Variants in MRTFB observed in about 807,000 individuals in gnomAD.
The protein encoded by MRTFB is myocardin related transcription factor B.
In MRTFB, 29 loss-of-function variants were observed where a neutral mutation model predicts 104.2. The ratio of observed to expected loss-of-function variants is 0.28; its 90% CI spans 0.21 to 0.38. The LOEUF (loss-of-function observed/expected upper bound fraction) is 0.38. Among genes scored for constraint, MRTFB ranks in the 10% least tolerant of loss-of-function variants. MRTFB has a pLI of 1.00. For missense variants in MRTFB, 1,270 were observed against 1,341.6 expected (o/e 0.95, Z 0.83); for synonymous variants, 535 against 519.5 (o/e 1.03, Z -0.41).
chr16:14,036,840 G>A, the MRTFB span, among the ~76,000 whole-genome samples: 2 of 152,020 alleles, frequency 1.3e-5, no homozygotes, highest in African/African-American at 4.8e-5. Flanking sequence ...TGGCCCCCAG[G>A]GCCAGCCCCC....
chr16:14,230,099 A>T (rs892434242), intron 8 of MRTFB, among the ~76,000 whole-genome samples: 2 of 152,152 alleles, frequency 1.3e-5, no homozygotes, highest in Admixed American at 6.5e-5. Context: ...CTGAAACTGG[A>T]TCCCTTCCTT....
Position 14,246,857 on chromosome 16 carries a change from A to G in MRTFB, c.1597A>G (p.Met533Val), listed in dbSNP as rs775876883. The change falls in exon 12 of 17, where the codon ATG becomes GTG. Residue 533 changes from methionine to valine, a missense_variant. Coordinates refer to ENST00000571589, the MANE Select transcript of MRTFB (RefSeq NM_001308142.2). The part of the protein sequence containing the change: ...ADTFTEIMTM[M>V]SPSQFLSSSP... ...CACTTTCACCGAGATTATGACCATGATGTCGCCTTCACAGTTCTTGAGTTC... is the reference window on the plus strand; with the variant it reads ...CACTTTCACCGAGATTATGACCATGGTGTCGCCTTCACAGTTCTTGAGTTC... 92 of 1,613,008 alleles carry G rather than the reference A, an allele frequency of 5.7e-5. No homozygotes were observed. The highest frequency in any genetic ancestry group is 2.9e-4 in the East Asian group (13 of 44,888).
chr16:14,003,469 C>A, the MRTFB span, among the ~76,000 whole-genome samples: 2 of 152,194 alleles, frequency 1.3e-5, no homozygotes, highest in Admixed American at 6.5e-5. Context: ...GAACAGCCCC[C>A]AGGCAGTTTG....
At chr16:14,223,110 C>G (rs2041814090) in intron 8 of MRTFB, among the ~76,000 whole-genome samples, 1 of 152,046 alleles carries the variant, frequency 6.6e-6, no homozygotes, top group Non-Finnish European at 1.5e-5. Context: ...AGTTCAAGAC[C>G]AGCCTGGGCA....
rs555789679 is a variant in MRTFB, at chr16:14,246,402, A to C, written c.1213-71A>C. The C allele has an allele frequency of 5.9e-5, 89 of 1,496,250 alleles. No homozygotes were observed. The African/African-American group carries it at 1.1e-3, about 19-fold the overall frequency. 92.7% of individuals were successfully genotyped at this position (1,496,250 alleles called of 1,614,324 possible). A position where few individuals can be genotyped will look rare whatever the true frequency, so the allele number is the denominator to read the frequency against. ...TCTGACAGACATAGGCACCTTTCCC[A>C]TCACAAAAGCGTACTGTAGATTTGC... is the stretch of plus-strand genomic sequence containing the variant. On this transcript the variant is annotated intron_variant, in intron 11 of 16. Coordinates refer to ENST00000571589, the MANE Select transcript of MRTFB (RefSeq NM_001308142.2).
chr16:14,105,980 A>G (rs1018884231), intron 2 of MRTFB, among the ~76,000 whole-genome samples: 1 of 152,212 alleles, frequency 6.6e-6, no homozygotes, highest in East Asian at 1.9e-4. Context: ...TGAATTGTTG[A>G]AAGTTATGGT....
intron 2 of MRTFB, among the ~76,000 whole-genome samples, chr16:14,109,196 T>C (rs1359929214): frequency 6.6e-6 from 1 of 152,206 alleles, no homozygotes; most frequent in Non-Finnish European, 1.5e-5. Context: ...AAGGAAGCTG[T>C]TGTGTAGTTC....
chr16:14,258,640 A>T (rs1009753367), intron 16 of MRTFB, among the ~76,000 whole-genome samples: 2 of 152,218 alleles, frequency 1.3e-5, no homozygotes, highest in Non-Finnish European at 2.9e-5. Context: ...CCAGATTTAA[A>T]TTCCATGTTG....
At position 14,195,121 on chromosome 16, in the gene MRTFB, A is replaced by G. The variant is rs2040376289; in HGVS notation, c.155-15122A>G. On this transcript the variant is annotated intron_variant, in intron 3 of 16. Transcript: ENST00000571589. ...GTTGCCCTTTTTCTCGTTTATTTGA[A>G]TCTAAACAGTAGAGCAAGTAGATTG... 2.0e-5 allele frequency among the ~76,000 whole-genome samples: 3 copies of G among 152,180 alleles called. No homozygotes were observed. The South Asian group carries it at 6.2e-4, about 32-fold the overall frequency.
chr16:14,111,895 C>A (rs182124372), intron 2 of MRTFB, among the ~76,000 whole-genome samples: 2 of 152,198 alleles, frequency 1.3e-5, no homozygotes, highest in African/African-American at 4.8e-5. Context: ...CCACACCCAC[C>A]TGGGTGTGTG....
At chr16:14,041,938 A>AATAAAATT in the MRTFB span, among the ~76,000 whole-genome samples, 2 of 152,104 alleles carry the variant, frequency 1.3e-5, no homozygotes, top group Non-Finnish European at 2.9e-5. Context: ...AAAAAAATAA[A>AATAAAATT]ATAAAATTTA....
At chr16:14,120,421 C>T (rs756062205) in intron 2 of MRTFB, among the ~76,000 whole-genome samples, 1 of 152,034 alleles carries the variant, frequency 6.6e-6, no homozygotes, top group Non-Finnish European at 1.5e-5. Flanking sequence ...AAAGTTTGTT[C>T]TGTTTTTTTT....
At chr16:14,203,716 A>G (rs982484167) in intron 3 of MRTFB, among the ~76,000 whole-genome samples, 3 of 151,140 alleles carry the variant, frequency 2.0e-5, no homozygotes, top group African/African-American at 7.3e-5. Flanking sequence ...AGGCACAAGA[A>G]TCACTTGAAC....
chr16:14,045,487 T>C, the MRTFB span, among the ~76,000 whole-genome samples: 1 of 152,198 alleles, frequency 6.6e-6, no homozygotes, highest in Non-Finnish European at 1.5e-5. Flanking sequence ...TTAGAGAACA[T>C]ATATCAGCAG....
At chr16:14,192,250 T>G (rs1248868441) in intron 3 of MRTFB, among the ~76,000 whole-genome samples, 1 of 151,830 alleles carries the variant, frequency 6.6e-6, no homozygotes, top group African/African-American at 2.4e-5. Flanking sequence ...CTTATAAGCC[T>G]GTAGGCTTAC....
the MRTFB span, among the ~76,000 whole-genome samples, chr16:13,998,429 T>C: frequency 1.3e-5 from 2 of 152,028 alleles, no homozygotes; most frequent in East Asian, 1.9e-4. Flanking sequence ...CAGGAGAATC[T>C]CTTGAGGTCA....
At chr16:14,037,473 C>A in the MRTFB span, among the ~76,000 whole-genome samples, 2 of 152,120 alleles carry the variant, frequency 1.3e-5, no homozygotes, top group African/African-American at 4.8e-5. Flanking sequence ...TGGAGATTTT[C>A]AAATGGGGGA....
chr16:14,062,727 C>T, the MRTFB span, among the ~76,000 whole-genome samples: 2 of 152,316 alleles, frequency 1.3e-5, no homozygotes, highest in African/African-American at 4.8e-5. Context: ...GAGAAAAGAA[C>T]TTGAGGCTAA....
chr16:14,211,576 T>C (rs934465388), intron 4 of MRTFB, among the ~76,000 whole-genome samples: 13 of 152,156 alleles, frequency 8.5e-5, no homozygotes, highest in African/African-American at 3.1e-4. Flanking sequence ...AGTGGACATA[T>C]GCAGACAAGA....
Sources: allele counts gnomAD v4.1 joint callset (sites outside exome capture counted in the v4.1 genomes callset), GRCh38; gene constraint gnomAD v4.1.1; transcripts MANE v1.5; gene names NCBI Gene and HGNC (gene_info 2026-07-23, HGNC 2026-07-21).